OSBPL10: variants seen among roughly 807,000 people sequenced by gnomAD.
The protein encoded by OSBPL10 is oxysterol binding protein like 10.
A neutral mutation model predicts 81.7 loss-of-function variants in OSBPL10; 49 were observed. The ratio of observed to expected loss-of-function variants is 0.60; its 90% CI spans 0.48 to 0.76. The LOEUF (loss-of-function observed/expected upper bound fraction) is 0.76, where lower values mean the gene tolerates loss of function less well. Among genes scored for constraint, OSBPL10 ranks in the 30% least tolerant of loss-of-function variants. The pLI, the probability that OSBPL10 is intolerant of heterozygous loss-of-function variation, is 0.00. For synonymous variants in OSBPL10, 419 were observed against 383.6 expected (o/e 1.09, Z -1.08); for missense variants, 923 against 987.8 (o/e 0.93, Z 0.88).
chr3:31,930,504 G>A (rs1575041496), intron 1 of OSBPL10, among the ~76,000 whole-genome samples: 2 of 152,286 alleles, frequency 1.3e-5, no homozygotes, highest in East Asian at 3.9e-4. Flanking sequence ...GAGAAAGTAT[G>A]TATGTACAGG....
chr3:32,012,675 A>G (rs1244157776), intron 2 of OSBPL10, among the ~76,000 whole-genome samples: 1 of 152,216 alleles, frequency 6.6e-6, no homozygotes, highest in African/African-American at 2.4e-5. Context: ...AAGACCCATC[A>G]GTGTGCTGTA....
In OSBPL10 at chr3:31,728,721, A is replaced by G. The variant is rs139825008; in HGVS notation, c.1095+4536T>C. On this transcript the variant is annotated intron_variant, in intron 6 of 11. Transcript: ENST00000396556. ...AACTATAGGGACAAATAACAGATCA[A>G]TGGTTGCCAAGGGCTGGGGGACAGA... Among the ~76,000 whole-genome samples the G allele has an allele frequency of 5.3e-5, 8 of 152,334 alleles. No homozygotes were observed. The East Asian group carries it at 1.5e-3, about 29-fold the overall frequency.
At chr3:31,880,984 C>T (rs1370461666) in intron 1 of OSBPL10, among the ~76,000 whole-genome samples, 4 of 152,164 alleles carry the variant, frequency 2.6e-5, no homozygotes, top group Non-Finnish European at 4.4e-5. Flanking sequence ...AGGTCCTTCA[C>T]CATAGATAGT....
intron 3 of OSBPL10, among the ~76,000 whole-genome samples, chr3:31,843,582 C>T (rs539866404): frequency 3.3e-5 from 5 of 152,264 alleles, no homozygotes; most frequent in Admixed American, 6.5e-5. Flanking sequence ...TAGACAGTGG[C>T]AAAATGGTAT....
chr3:31,933,718 T>G lies in OSBPL10; in HGVS notation c.281+47181A>C, dbSNP rs371898927. Among the ~76,000 whole-genome samples, 7 of 152,092 alleles carry G rather than the reference T, an allele frequency of 4.6e-5. No homozygotes were observed. The East Asian group carries it at 5.8e-4, about 13-fold the overall frequency. On this transcript the variant is annotated intron_variant, in intron 1 of 11. Transcript: ENST00000396556. ...AGCCAGGGCACCCAGCCTCTAAAATTCTTTTATCAGCTAATTGAGAAATAC... is the reference window on the plus strand; with the variant it reads ...AGCCAGGGCACCCAGCCTCTAAAATGCTTTTATCAGCTAATTGAGAAATAC...
At chr3:31,932,238 A>G (rs1052112366) in intron 1 of OSBPL10, among the ~76,000 whole-genome samples, 1 of 152,184 alleles carries the variant, frequency 6.6e-6, no homozygotes, top group African/African-American at 2.4e-5. Context: ...AAAATAATCC[A>G]TTTCACTAGA....
intron 4 of OSBPL10, among the ~76,000 whole-genome samples, chr3:31,768,099 G>T (rs775876871): frequency 6.6e-6 from 1 of 152,182 alleles, no homozygotes; most frequent in Non-Finnish European, 1.5e-5. Flanking sequence ...CCAGAACTGA[G>T]GGTTCCTCCT....
chr3:31,871,601 T>C (rs1701327451), intron 3 of OSBPL10, among the ~76,000 whole-genome samples: 1 of 152,214 alleles, frequency 6.6e-6, no homozygotes, highest in Admixed American at 6.5e-5. Context: ...CCAGGCTCAG[T>C]GGCTCATGCC....
At chr3:31,914,864 A>G (rs1696704416) in intron 1 of OSBPL10, among the ~76,000 whole-genome samples, 1 of 152,242 alleles carries the variant, frequency 6.6e-6, no homozygotes, top group African/African-American at 2.4e-5. Context: ...ATACCTATAT[A>G]TCATTGCCAT....
intron 2 of OSBPL10, chr3:32,030,397 A>C: frequency 1.6e-6 from 1 of 628,948 alleles, no homozygotes; most frequent in South Asian, 1.5e-5. Flanking sequence ...CTACAATGTG[A>C]CCCAGCATGC....
At chr3:31,893,651 T>A (rs544705138) in intron 1 of OSBPL10, among the ~76,000 whole-genome samples, 2 of 152,186 alleles carry the variant, frequency 1.3e-5, no homozygotes, top group East Asian at 3.9e-4. Context: ...GGTGAATGGA[T>A]AAAGAAAATG....
intron 2 of OSBPL10, among the ~76,000 whole-genome samples, chr3:32,027,849 C>A (rs551428975): frequency 6.6e-6 from 1 of 152,268 alleles, no homozygotes; most frequent in East Asian, 1.9e-4. Flanking sequence ...GGAGGTCACC[C>A]TTCAGACTCC....
At position 31,946,731 on chromosome 3, in the gene OSBPL10, C is replaced by T. The variant is rs9882250; in HGVS notation, c.281+34168G>A. Reference sequence around the variant, plus strand: ...GCTATGACACAAGTTCAAGGTGGAGCTGGGCTTTGGTCCCATTCTAGCAGA... The same window carrying T: ...GCTATGACACAAGTTCAAGGTGGAGTTGGGCTTTGGTCCCATTCTAGCAGA... On this transcript the variant is annotated intron_variant, in intron 1 of 11. Transcript: ENST00000396556. Among the ~76,000 whole-genome samples the T allele has an allele frequency of 3.0e-3, 457 of 152,328 alleles. 2 individuals are homozygous for T. The highest frequency in any genetic ancestry group is 0.011 in the African/African-American group (442 of 41,568).
intron 7 of OSBPL10, among the ~76,000 whole-genome samples, chr3:31,693,783 T>G (rs1332443078): frequency 6.6e-6 from 1 of 152,210 alleles, no homozygotes; most frequent in Non-Finnish European, 1.5e-5. Context: ...ATAAAATTTT[T>G]TTAAGATAAG....
At chr3:31,851,479 G>A (rs973686179) in intron 3 of OSBPL10, among the ~76,000 whole-genome samples, 2 of 152,156 alleles carry the variant, frequency 1.3e-5, no homozygotes, top group Admixed American at 1.3e-4. Flanking sequence ...CGCCGCTGTC[G>A]GTCCACACCA....
rs147614900 is a variant in OSBPL10 at position 31,949,423 on chromosome 3, C to G, written c.281+31476G>C. On this transcript the variant is annotated intron_variant, in intron 1 of 11. Transcript: ENST00000396556. Reference sequence around the variant, plus strand: ...GTGGCTCACGCCTGTAATCCCAGCACTTTGGGAGGCTGAGGCGGGCAGATC... The same window carrying G: ...GTGGCTCACGCCTGTAATCCCAGCAGTTTGGGAGGCTGAGGCGGGCAGATC... Among the ~76,000 whole-genome samples, 461 of 151,926 alleles carry G rather than the reference C, an allele frequency of 3.0e-3. 8 individuals are homozygous for G. Among genetic ancestry groups the G allele is most frequent in the African/African-American group, 0.011 (436 of 41,456 alleles).
chr3:31,683,739 AGGAGATGGGTG>A lies in OSBPL10; in HGVS notation c.1610_1620del (p.Pro537LeufsTer5). 1 of 1,614,218 alleles carries A rather than the reference AGGAGATGGGTG, an allele frequency of 6.2e-7. No homozygotes were observed. Among genetic ancestry groups the A allele is most frequent in the Non-Finnish European group, 8.5e-7 (1 of 1,180,040 alleles). ...TTCTCCTCGCACTCACAGTAGAAGC[AGGAGATGGGTG>A]GGTGATGGGACACTTGCTCAGCCAC... On this transcript the variant is annotated frameshift_variant, in exon 8 of 12. Coordinates refer to ENST00000396556, the MANE Select transcript of OSBPL10 (RefSeq NM_017784.5). LOFTEE classifies it high-confidence loss of function.
intron 1 of OSBPL10, chr3:32,066,644 C>A (rs190178725): frequency 6.6e-6 from 1 of 152,236 alleles, no homozygotes. Context: ...AGATCCATCA[C>A]CTCCTCAGTG....
intron 7 of OSBPL10, among the ~76,000 whole-genome samples, chr3:31,692,883 CT>C (rs1695597595): frequency 6.6e-6 from 1 of 152,356 alleles, no homozygotes; most frequent in South Asian, 2.1e-4. Flanking sequence ...GGCCTGAAGA[CT>C]ACCATTGTGA....
Sources: allele counts gnomAD v4.1 joint callset (sites outside exome capture counted in the v4.1 genomes callset), GRCh38; gene constraint gnomAD v4.1.1; transcripts MANE v1.5; gene names NCBI Gene and HGNC (gene_info 2026-07-23, HGNC 2026-07-21).